The following EYA1 variants were observed in gnomAD, a reference collection of about 807,000 sequenced individuals.
EYA1 encodes protein phosphatase EYA1.
A neutral mutation model predicts 82.0 loss-of-function variants in EYA1; 16 were observed. The observed-to-expected ratio is 0.20, with a 90% confidence interval of 0.13 to 0.30. EYA1 has a LOEUF of 0.30. EYA1 is among the 10% of genes least tolerant of loss of function. EYA1 has a pLI of 1.00. For missense variants in EYA1, 633 were observed against 730.7 expected, an observed-to-expected ratio of 0.87 and a Z score of 1.54; for synonymous variants, 261 against 264.4, an observed-to-expected ratio of 0.99 and a Z score of 0.12.
At chr8:71,266,398 A>G (rs78307309) in intron 11 of EYA1, among the ~76,000 whole-genome samples, 2,396 of 152,118 alleles carry the variant, frequency 0.016, 77 homozygotes, top group African/African-American at 0.055. Flanking sequence ...GTTGAATCAC[A>G]TTTTTACAAA....
intron 9 of EYA1, among the ~76,000 whole-genome samples, chr8:71,276,320 T>C (rs1173928925): frequency 6.6e-6 from 1 of 152,186 alleles, no homozygotes; most frequent in Non-Finnish European, 1.5e-5. Flanking sequence ...TGTAGGCTCT[T>C]AGTGCTTGGT....
intron 2 of EYA1, among the ~76,000 whole-genome samples, chr8:71,515,211 A>G (rs899405499): frequency 1.3e-5 from 2 of 152,116 alleles, no homozygotes; most frequent in Admixed American, 6.6e-5. Flanking sequence ...ATGAAATTCT[A>G]TTGGCTCATT....
chr8:71,535,607 C>G lies in EYA1; in HGVS notation c.33+137G>C, dbSNP rs111347655. The G allele has an allele frequency of 3.4e-3, 2,019 of 589,012 alleles. 38 individuals carry two copies. The highest frequency in any genetic ancestry group is 0.033 in the African/African-American group (1,771 of 52,870). 36.5% of individuals were successfully genotyped at this position (589,012 alleles called of 1,614,324 possible). A position where few individuals can be genotyped will look rare whatever the true frequency, so the allele number is the denominator to read the frequency against. The stretch of plus-strand genomic sequence containing the variant: ...AAACAGTGTACTACTTAATTCATAA[C>G]CTTCAAAATCATTAAAAATTGGTAC... On this transcript the variant is annotated intron_variant, in intron 2 of 18. Coordinates refer to the EYA1 transcript ENST00000643681.
intron 2 of EYA1, among the ~76,000 whole-genome samples, chr8:71,406,270 G>A (rs1830213649): frequency 1.3e-5 from 2 of 152,178 alleles, no homozygotes; most frequent in Non-Finnish European, 2.9e-5. Context: ...CTTTTATAAA[G>A]CAATTTATGA....
intron 2 of EYA1, among the ~76,000 whole-genome samples, chr8:71,371,743 T>A (rs1012269108): frequency 1.3e-5 from 2 of 151,700 alleles, no homozygotes; most frequent in African/African-American, 4.8e-5. Flanking sequence ...AACAGAGAAA[T>A]AAGAGAAGAT....
At chr8:71,523,961 G>A (rs1813631375) in intron 2 of EYA1, among the ~76,000 whole-genome samples, 1 of 152,146 alleles carries the variant, frequency 6.6e-6, no homozygotes, top group Admixed American at 6.5e-5. Context: ...ACTAAATAGT[G>A]AGTACACTTC....
At chr8:71,258,686 C>A (rs1257756439) in intron 11 of EYA1, among the ~76,000 whole-genome samples, 1 of 152,136 alleles carries the variant, frequency 6.6e-6, no homozygotes, top group African/African-American at 2.4e-5. Context: ...CTTTATGCTG[C>A]TCATTTTATT....
chr8:71,305,819 C>A (rs947036930), intron 7 of EYA1, among the ~76,000 whole-genome samples: 2 of 152,074 alleles, frequency 1.3e-5, no homozygotes, highest in African/African-American at 4.8e-5. Flanking sequence ...CCACTGCTGT[C>A]TTTTAAAGTT....
At chr8:71,421,106 T>C (rs1831125016) in intron 2 of EYA1, among the ~76,000 whole-genome samples, 1 of 152,196 alleles carries the variant, frequency 6.6e-6, no homozygotes, top group Non-Finnish European at 1.5e-5. Flanking sequence ...ACCTGAGTCA[T>C]GGGGCTCTCT....
chr8:71,510,682 C>T (rs937968469), intron 2 of EYA1, among the ~76,000 whole-genome samples: 1 of 152,198 alleles, frequency 6.6e-6, no homozygotes, highest in African/African-American at 2.4e-5. Flanking sequence ...GACCTTGACA[C>T]ATAGGGGGTT....
Position 71,271,833 on chromosome 8 carries a change from T to G in EYA1, c.891A>C (p.Arg297=). 6.2e-7 allele frequency: 1 copy of G among 1,614,142 alleles called. No homozygotes were observed. The highest frequency in any genetic ancestry group is 1.3e-5 in the African/African-American group (1 of 75,024). The part of the protein sequence containing the change: ...IKDSDSDRLR[R]GSDGKSRGRG... ...GTCCACGTGATTTCCCATCTGAACC[T>G]CGACGCAATCGATCAGAATCTGAAT... The change falls in exon 10 of 18, where the codon CGA becomes CGC. Residue 297 remains arginine, a synonymous_variant. Transcript: ENST00000340726.
chr8:71,489,134 T>G (rs1245173408), intron 2 of EYA1, among the ~76,000 whole-genome samples: 2 of 152,206 alleles, frequency 1.3e-5, no homozygotes, highest in Admixed American at 1.3e-4. Context: ...GTTAATCCTG[T>G]AACTGAACTT....
intron 10 of EYA1, 26 bp from the exon 11 acceptor site, chr8:71,269,849 T>C (rs1301602491): frequency 6.3e-7 from 1 of 1,578,398 alleles, no homozygotes; most frequent in African/African-American, 1.3e-5. Flanking sequence ...CAAATCAATG[T>C]GTCTTTGCCT....
At chr8:71,520,361 C>T (rs1447186540) in intron 2 of EYA1, among the ~76,000 whole-genome samples, 1 of 152,174 alleles carries the variant, frequency 6.6e-6, no homozygotes, top group African/African-American at 2.4e-5. Flanking sequence ...AGAGCCAAAA[C>T]TAACAAACAG....
At chr8:71,526,358 C>T (rs1435509353) in intron 2 of EYA1, among the ~76,000 whole-genome samples, 2 of 151,892 alleles carry the variant, frequency 1.3e-5, no homozygotes, top group African/African-American at 4.8e-5. Flanking sequence ...TTCAAAAATA[C>T]TGATTATCAA....
intron 16 of EYA1, 69 bp downstream of exon 16, chr8:71,215,318 A>G (rs1017630125): frequency 1.3e-6 from 2 of 1,490,570 alleles, no homozygotes; most frequent in Admixed American, 3.4e-5. Context: ...AGTTTCATTT[A>G]TTGCCTTTCG....
intron 6 of EYA1, among the ~76,000 whole-genome samples, chr8:71,320,066 C>T (rs569629171): frequency 2.0e-5 from 3 of 152,294 alleles, no homozygotes; most frequent in Admixed American, 6.5e-5. Flanking sequence ...CCTCACTCTG[C>T]TAGTTCTTAT....
rs1172838226 is a variant in EYA1 at position 71,361,852 on chromosome 8, G to A, written c.-260C>T. 14 of 985,396 alleles carry A rather than the reference G, an allele frequency of 1.4e-5. No individual in the cohort carries two copies. In the South Asian group the frequency reaches 6.6e-4, roughly 46 times the overall value. The allele number at this position is 985,396 out of a possible 1,614,324, so 61.0% of individuals were successfully genotyped here. On this transcript the variant is annotated 5_prime_UTR_variant, in exon 1 of 18. Transcript: ENST00000340726. ...AGGGGGCAGGCGCCTGGCCGCTGCC[G>A]CAGGCTCGGGCTGCCGAGCGACTGA...
chr8:71,252,630 C>T (rs780362949), intron 11 of EYA1, among the ~76,000 whole-genome samples: 7 of 152,110 alleles, frequency 4.6e-5, no homozygotes, highest in South Asian at 2.1e-4. Flanking sequence ...AGATGTCAAC[C>T]AAGCTTTTAT....
Sources: allele counts gnomAD v4.1 joint callset (sites outside exome capture counted in the v4.1 genomes callset), GRCh38; gene constraint gnomAD v4.1.1; transcripts MANE v1.5; gene names NCBI Gene and HGNC (gene_info 2026-07-23, HGNC 2026-07-21).